Variants in GSE1 observed in about 807,000 individuals in gnomAD.
The protein encoded by GSE1 is Gse1 coiled-coil protein, also known as genetic suppressor element 1.
GSE1 carries 32 observed loss-of-function variants against 112.6 expected under a neutral mutation model. The ratio of observed to expected loss-of-function variants is 0.28; its 90% CI spans 0.21 to 0.38. The LOEUF (loss-of-function observed/expected upper bound fraction) is 0.38, where lower values mean the gene tolerates loss of function less well. Ranked by LOEUF, GSE1 falls within the 10% of genes least tolerant of loss-of-function variation. The pLI, the probability that GSE1 is intolerant of heterozygous loss-of-function variation, is 1.00. For missense variants in GSE1, 2,348 were observed against 1,699.2 expected (o/e 1.38, Z -6.71); for synonymous variants, 1,115 against 735.6 (o/e 1.52, Z -8.35).
At chr16:85,240,462 C>T (rs1307795240) in intron 1 of GSE1, among the ~76,000 whole-genome samples, 1 of 152,264 alleles carries the variant, frequency 6.6e-6, no homozygotes. Flanking sequence ...ATCAACGTCT[C>T]TCCTGGGGCT....
At chr16:85,308,011 C>T (rs979321074) in intron 1 of GSE1, among the ~76,000 whole-genome samples, 20 of 152,154 alleles carry the variant, frequency 1.3e-4, no homozygotes, top group Non-Finnish European at 2.2e-4. Flanking sequence ...TTGGTTATTT[C>T]CCTCCGGGGG....
rs559527782 is a variant in GSE1, at chr16:85,373,970, G to A, written c.2464+16327G>A. On this transcript the variant is annotated intron_variant, in intron 2 of 2. Coordinates refer to the GSE1 transcript ENST00000637419. The surrounding 1 kb of genome is among the most constrained non-coding windows in gnomAD (Gnocchi z 5.1). ...AGCGGCGCCTTATCCATCGCCCCAC[G>A]GTGGCTGCATGTGCGTATGTGTGTG... Among the ~76,000 whole-genome samples, 5 of 152,348 alleles carry A rather than the reference G, an allele frequency of 3.3e-5. No individual in the cohort carries two copies. Among genetic ancestry groups the A allele is most frequent in the African/African-American group, 1.2e-4 (5 of 41,576 alleles).
chr16:85,261,317 G>T (rs1907661673), intron 1 of GSE1, among the ~76,000 whole-genome samples: 1 of 151,082 alleles, frequency 6.6e-6, no homozygotes, highest in East Asian at 1.9e-4. Flanking sequence ...CACTCACTCA[G>T]TGTATGACTC....
chr16:85,243,947 A>T (rs1280265314), intron 1 of GSE1, among the ~76,000 whole-genome samples: 1 of 152,214 alleles, frequency 6.6e-6, no homozygotes, highest in African/African-American at 2.4e-5. Flanking sequence ...GCCAACATAG[A>T]GAAACCCCAT....
Position 85,463,047 on chromosome 16 carries a change from AGGCCCCG to A in GSE1, c.2464+105407_2464+105413del. 4 of 972,624 alleles carry A rather than the reference AGGCCCCG, an allele frequency of 4.1e-6. No homozygotes were observed. The South Asian group carries it at 1.9e-4, about 46-fold the overall frequency. 60.2% of individuals were successfully genotyped at this position (972,624 alleles called of 1,614,324 possible). A position where few individuals can be genotyped will look rare whatever the true frequency, so the allele number is the denominator to read the frequency against. ...GGCCATGCTGGGCAGCCCCTCCTAGAGGCCCCGGGTCCCGCGGCCCGGGGGGCGGCGC... is the reference window on the plus strand; with the variant it reads ...GGCCATGCTGGGCAGCCCCTCCTAGAGGTCCCGCGGCCCGGGGGGCGGCGC... On this transcript the variant is annotated intron_variant, in intron 2 of 2. Transcript: ENST00000637419.
intron 2 of GSE1, among the ~76,000 whole-genome samples, chr16:85,501,263 A>C (rs1409371184): frequency 6.6e-6 from 1 of 151,840 alleles, no homozygotes; most frequent in African/African-American, 2.4e-5. Context: ...CGGCCTCCCA[A>C]AGTGCTGGGA....
At chr16:85,333,652 T>C (rs900404923) in intron 1 of GSE1, among the ~76,000 whole-genome samples, 1 of 152,186 alleles carries the variant, frequency 6.6e-6, no homozygotes, top group Non-Finnish European at 1.5e-5. Context: ...GGGAACTGGC[T>C]GGGTTACAGG....
rs74712184 is a variant in GSE1, at chr16:85,361,867, G to T, written c.2464+4224G>T. On this transcript the variant is annotated intron_variant, in intron 2 of 2. Transcript: ENST00000637419. ...GGGTTCCCTGCCGTCCCAGACTCCC[G>T]GGGCAGCCCACAGAGCTTATCAGAC... Among the ~76,000 whole-genome samples, 4 of 152,304 alleles carry T rather than the reference G, an allele frequency of 2.6e-5. No individual in the cohort carries two copies. The East Asian group carries it at 7.7e-4, about 29-fold the overall frequency.
At chr16:85,304,609 T>TGGGGGGGG (rs34644508) in intron 1 of GSE1, among the ~76,000 whole-genome samples, 5 of 110,940 alleles carry the variant, frequency 4.5e-5, no homozygotes, top group Non-Finnish European at 9.2e-5. Context: ...GGCGGGGGGG[T>TGGGGGGGG]GGGGCATCCC....
chr16:85,414,215 G>A lies in GSE1; in HGVS notation c.2464+56572G>A, dbSNP rs138772425. On this transcript the variant is annotated intron_variant, in intron 2 of 2. Transcript: ENST00000637419. Reference sequence around the variant, plus strand: ...AGTCAAGCTAGACACAGAGCAGGGAGGGGGCATTTAGGGGACTTACTCGGA... The same window carrying A: ...AGTCAAGCTAGACACAGAGCAGGGAAGGGGCATTTAGGGGACTTACTCGGA... 3.9e-5 allele frequency among the ~76,000 whole-genome samples: 6 copies of A among 152,332 alleles called. No individual in the cohort carries two copies. The East Asian group carries it at 1.2e-3, about 29-fold the overall frequency.
At position 85,663,573 on chromosome 16, in the gene GSE1, C is replaced by T. The variant is rs142707147; in HGVS notation, c.2603C>T (p.Thr868Ile). The T allele has an allele frequency of 8.7e-6, 14 of 1,613,966 alleles. No individual in the cohort carries two copies. Among genetic ancestry groups the T allele is most frequent in the Non-Finnish European group, 1.2e-5 (14 of 1,180,024 alleles). ...PNFEEKKKFL[T>I]IFNLTHISAE... ...TTCGAAGAAAAGAAGAAGTTCCTGA[C>T]CATCTTCAACCTGACCCACATCAGC... Residue 868 changes from threonine to isoleucine, a missense_variant, in exon 11 of 16, where the codon ACC becomes ATC. Thr to Ile is a moderately conservative substitution (Grantham distance 89, BLOSUM62 -1). Coordinates refer to ENST00000253458, the MANE Select transcript of GSE1 (RefSeq NM_014615.5).
At position 85,450,819 on chromosome 16, in the gene GSE1, G is replaced by T. The variant is rs549248176; in HGVS notation, c.2464+93176G>T. ...TTCACATCTGTGATCCCAGCACTTTGGGAGGCCGAGGTGGGCCGATCACCT... is the reference window on the plus strand; with the variant it reads ...TTCACATCTGTGATCCCAGCACTTTTGGAGGCCGAGGTGGGCCGATCACCT... On this transcript the variant is annotated intron_variant, in intron 2 of 2. Transcript: ENST00000637419. 2.6e-5 allele frequency among the ~76,000 whole-genome samples: 4 copies of T among 152,156 alleles called. No homozygotes were observed. In the South Asian group the frequency reaches 8.3e-4, roughly 32 times the overall value.
intron 1 of GSE1, among the ~76,000 whole-genome samples, chr16:85,630,877 G>A (rs974637644): frequency 2.6e-5 from 4 of 152,316 alleles, no homozygotes; most frequent in South Asian, 2.1e-4. Flanking sequence ...GGCGATGGCT[G>A]TGAGGGGTGG....
intron 1 of GSE1, among the ~76,000 whole-genome samples, chr16:85,191,905 C>G (rs1347439591): frequency 6.6e-6 from 1 of 152,060 alleles, no homozygotes; most frequent in East Asian, 1.9e-4. Context: ...AGGCCATTAG[C>G]AGGGTCTCCA....
intron 2 of GSE1, among the ~76,000 whole-genome samples, chr16:85,523,002 CTATG>C (rs2052239027): frequency 6.6e-6 from 1 of 151,736 alleles, no homozygotes; most frequent in Non-Finnish European, 1.5e-5. Flanking sequence ...ATGAATGTGA[CTATG>C]TGGGCACGTG....
Position 85,199,504 on chromosome 16 carries a change from A to G in GSE1, c.2283+27697A>G, listed in dbSNP as rs192474261. On this transcript the variant is annotated intron_variant, in intron 1 of 2. Coordinates refer to the GSE1 transcript ENST00000637419. ...AACACCCTCTCCAAGAATACAAACC[A>G]GAGTGTCCAGCTGCGTTTAATTTAT... Among the ~76,000 whole-genome samples the G allele has an allele frequency of 2.8e-3, 428 of 152,322 alleles. 2 individuals carry two copies. Among genetic ancestry groups the G allele is most frequent in the African/African-American group, 9.7e-3 (402 of 41,570 alleles).
intron 2 of GSE1, among the ~76,000 whole-genome samples, chr16:85,397,123 C>T (rs895725146): frequency 1.3e-5 from 2 of 152,226 alleles, no homozygotes; most frequent in Non-Finnish European, 2.9e-5. Flanking sequence ...GCCCCTGTCC[C>T]CCATCTCCTC....
At chr16:85,574,252 A>G (rs2046129436) in intron 1 of GSE1, among the ~76,000 whole-genome samples, 2 of 152,208 alleles carry the variant, frequency 1.3e-5, no homozygotes. Context: ...GGCCCCCAGA[A>G]TGCTTTTCCT....
intron 1 of GSE1, among the ~76,000 whole-genome samples, chr16:85,219,344 A>C (rs572650986): frequency 1.3e-5 from 2 of 152,324 alleles, no homozygotes; most frequent in South Asian, 4.1e-4. Context: ...GGGTTTTTTA[A>C]AAAAATGAAT....
Sources: gnomAD v4.1 joint callset for allele counts (sites outside exome capture counted in the v4.1 genomes callset) on GRCh38, gnomAD v4.1.1 for gene constraint, Gnocchi (gnomAD v3.1) non-coding constraint, MANE v1.5 for transcripts, NCBI Gene and HGNC (gene_info 2026-07-23, HGNC 2026-07-21) for gene names.